Variants in FNBP4 observed in about 807,000 individuals in gnomAD.
FNBP4 encodes the protein formin-binding protein 4.
FNBP4 carries 34 observed loss-of-function variants against 119.3 expected under a neutral mutation model. That is an observed-to-expected ratio of 0.28 (90% CI 0.22 to 0.38). FNBP4 has a LOEUF of 0.38. FNBP4 is among the 10% of genes least tolerant of loss of function. The pLI, the probability that FNBP4 is intolerant of heterozygous loss-of-function variation, is 1.00. For missense variants in FNBP4, 1,112 were observed against 1,228.9 expected, an observed-to-expected ratio of 0.90 and a Z score of 1.42; for synonymous variants, 462 against 430.6, an observed-to-expected ratio of 1.07 and a Z score of -0.90.
At chr11:47,750,847 C>T in intron 6 of FNBP4, 69 bp downstream of exon 6, 2 of 1,505,742 alleles carry the variant, frequency 1.3e-6, no homozygotes, top group Non-Finnish European at 1.8e-6. Flanking sequence ...AGAAGGCTTC[C>T]ACTCCTGTGC....
intron 2 of FNBP4, among the ~76,000 whole-genome samples, chr11:47,764,829 T>C (rs2097643391): frequency 1.3e-5 from 2 of 152,168 alleles, no homozygotes; most frequent in Non-Finnish European, 2.9e-5. Context: ...AGTGATGAAT[T>C]GAACCCAGGT....
chr11:47,749,280 TA>T (rs1333208143), intron 6 of FNBP4, among the ~76,000 whole-genome samples: 1 of 148,434 alleles, frequency 6.7e-6, no homozygotes, highest in Non-Finnish European at 1.5e-5. Flanking sequence ...CAAAAATAAG[TA>T]AATAAAAAGG....
rs1165175890 is a variant in FNBP4 at position 47,724,641 on chromosome 11, G to A, written c.2146C>T (p.Pro716Ser). ...PLPLEMPPPP[P>S]PPPESPPPPP... ...GGTGGAGGTGATTCTGGAGGTGGAGGTGGGGGTGGTGGCATTTCCAAGGGT... is the reference window on the plus strand; with the variant it reads ...GGTGGAGGTGATTCTGGAGGTGGAGATGGGGGTGGTGGCATTTCCAAGGGT... Residue 716 changes from proline to serine, a missense_variant, in exon 13 of 17, where the codon CCT (proline) becomes TCT (serine). Pro to Ser is a moderately conservative substitution (Grantham distance 74). Around this residue, in one of 2 missense-constraint regions of FNBP4, gnomAD observed 826 missense variants for 988.8 expected, o/e 0.84. Coordinates refer to ENST00000263773, the MANE Select transcript of FNBP4 (RefSeq NM_015308.5). The A allele has an allele frequency of 1.2e-6, 2 of 1,613,986 alleles. No individual in the cohort carries two copies. Among genetic ancestry groups the A allele is most frequent in the African/African-American group, 1.3e-5 (1 of 74,910 alleles).
In FNBP4 at chr11:47,754,662, C is replaced by G; in HGVS notation, c.316G>C (p.Gly106Arg). 6.2e-7 allele frequency: 1 copy of G among 1,612,106 alleles called. No individual in the cohort carries two copies. The highest frequency in any genetic ancestry group is 8.5e-7 in the Non-Finnish European group (1 of 1,179,472). Residue 106 changes from glycine to arginine, a missense_variant and splice_region_variant, in exon 3 of 17, where the codon GGT (glycine) becomes CGT (arginine). Around this residue, in one of 2 missense-constraint regions of FNBP4, gnomAD observed 286 missense variants for 240.1 expected, o/e 1.19. Coordinates refer to ENST00000263773, the MANE Select transcript of FNBP4 (RefSeq NM_015308.5). ...GCATAAGCACCAAGCAAGCATAGAC[C>G]GCCTAGAAACAAAAAGGTAAACAGT... ...TRPTAVKATG[G>R]LCLLGAYADS... is the part of the protein sequence containing the mutation.
At chr11:47,745,808 A>G (rs2097589150) in intron 7 of FNBP4, among the ~76,000 whole-genome samples, 1 of 152,086 alleles carries the variant, frequency 6.6e-6, no homozygotes, top group Non-Finnish European at 1.5e-5. Context: ...GCCGACACTT[A>G]TGGAAAATAG....
chr11:47,748,193 C>T (rs766899207), intron 6 of FNBP4, among the ~76,000 whole-genome samples: 69 of 151,278 alleles, frequency 4.6e-4, no homozygotes, highest in Non-Finnish European at 1.5e-4. Flanking sequence ...GAGCAGAGAT[C>T]GCGCCACTGC....
chr11:47,719,454 T>C (rs543026065), intron 16 of FNBP4, among the ~76,000 whole-genome samples: 2 of 152,298 alleles, frequency 1.3e-5, no homozygotes, highest in African/African-American at 4.8e-5. Flanking sequence ...TTGACTGAAA[T>C]ATAGGGACAG....
intron 15 of FNBP4, among the ~76,000 whole-genome samples, chr11:47,722,539 CAG>C (rs948874228): frequency 3.2e-4 from 48 of 152,184 alleles, no homozygotes; most frequent in African/African-American, 1.2e-3. Context: ...TTGAGACAAA[CAG>C]ATTTCTTAAA....
intron 2 of FNBP4, among the ~76,000 whole-genome samples, chr11:47,757,070 A>T (rs1348361649): frequency 3.3e-5 from 5 of 152,188 alleles, no homozygotes; most frequent in Admixed American, 1.3e-4. Context: ...CAGTAATGGG[A>T]TCGCTGGGTC....
chr11:47,744,878 G>A (rs549294035), intron 7 of FNBP4, among the ~76,000 whole-genome samples: 82 of 152,246 alleles, frequency 5.4e-4, no homozygotes, highest in South Asian at 8.3e-4. Context: ...GTAATGTCAA[G>A]TCTCTTTATT....
intron 2 of FNBP4, among the ~76,000 whole-genome samples, chr11:47,759,506 G>A (rs1169586503): frequency 6.6e-6 from 1 of 151,996 alleles, no homozygotes; most frequent in Admixed American, 6.6e-5. Context: ...GAACCATGGC[G>A]CCCGGCCCAA....
chr11:47,731,223 A>G (rs17788930), intron 12 of FNBP4, 151 bp downstream of exon 12: 208,609 of 661,258 alleles, frequency 0.32, 35,460 homozygotes, highest in Admixed American at 0.37. Context: ...TCCAACCATA[A>G]TAACTCATGC....
intron 12 of FNBP4, among the ~76,000 whole-genome samples, chr11:47,730,540 C>G (rs2097566189): frequency 6.6e-6 from 1 of 152,094 alleles, no homozygotes; most frequent in Non-Finnish European, 1.5e-5. Flanking sequence ...AAGTTTTAGA[C>G]AAAAGAATTC....
intron 2 of FNBP4, among the ~76,000 whole-genome samples, chr11:47,757,720 C>T (rs746155003): frequency 2.7e-5 from 4 of 149,118 alleles, no homozygotes; most frequent in Non-Finnish European, 5.9e-5. Flanking sequence ...TCTTGGACTC[C>T]TGACCTCAAG....
intron 8 of FNBP4, among the ~76,000 whole-genome samples, chr11:47,740,231 A>T (rs1184419924): frequency 1.3e-5 from 2 of 152,016 alleles, no homozygotes; most frequent in East Asian, 4.0e-4. Context: ...CCTGGCCAAC[A>T]TGATAAAACC....
chr11:47,752,532 G>A (rs2135235745), intron 4 of FNBP4, among the ~76,000 whole-genome samples: 1 of 152,230 alleles, frequency 6.6e-6, no homozygotes, highest in South Asian at 2.1e-4. Context: ...ATGCCAGCCG[G>A]GAGCGATGGC....
intron 8 of FNBP4, 111 bp downstream of exon 8, chr11:47,743,842 A>T: frequency 2.1e-6 from 2 of 954,822 alleles, no homozygotes; most frequent in Non-Finnish European, 3.1e-6. Context: ...ACTTCTCCCA[A>T]AGAGTAAAAG....
intron 12 of FNBP4, among the ~76,000 whole-genome samples, chr11:47,728,399 G>A (rs1364965935): frequency 5.3e-5 from 8 of 151,840 alleles, no homozygotes; most frequent in African/African-American, 1.2e-4. Flanking sequence ...ACAGGCACCC[G>A]CCACGACACC....
intron 8 of FNBP4, among the ~76,000 whole-genome samples, chr11:47,743,479 G>A (rs1031289004): frequency 1.3e-5 from 2 of 151,802 alleles, no homozygotes; most frequent in Non-Finnish European, 2.9e-5. Flanking sequence ...TGAGACCTCC[G>A]TCTCAAAAAG....
Sources: gnomAD v4.1 joint callset for allele counts (sites outside exome capture counted in the v4.1 genomes callset) on GRCh38, gnomAD v4.1.1 for gene constraint, gnomAD v4.1.1 regional missense constraint, MANE v1.5 for transcripts, NCBI Gene and HGNC (gene_info 2026-07-23, HGNC 2026-07-21) for gene names.